CLEC12A: variants seen among roughly 807,000 people sequenced by gnomAD.
CLEC12A encodes the protein C-type lectin protein CLL-1.
CLEC12A carries 22 observed loss-of-function variants against 26.5 expected under a neutral mutation model. The ratio of observed to expected loss-of-function variants is 0.83; its 90% CI spans 0.59 to 1.19. The LOEUF is 1.19. Among genes scored for constraint, CLEC12A ranks in the 50% most tolerant of loss-of-function variants. The pLI is 0.00. For missense variants in CLEC12A, 353 were observed against 315.6 expected, an observed-to-expected ratio of 1.12 and a Z score of -0.90; for synonymous variants, 119 against 101.9, an observed-to-expected ratio of 1.17 and a Z score of -1.01.
At chr12:9,960,209 C>T (rs1262075550) in intron 1 of CLEC12A, among the ~76,000 whole-genome samples, 2 of 152,250 alleles carry the variant, frequency 1.3e-5, no homozygotes, top group East Asian at 3.9e-4. Context: ...TCTTGTGAAC[C>T]TATACATGGC....
At chr12:9,961,380 G>A (rs946446846) in intron 1 of CLEC12A, among the ~76,000 whole-genome samples, 31 of 152,048 alleles carry the variant, frequency 2.0e-4, no homozygotes, top group African/African-American at 7.2e-4. Context: ...TTCATTTTTG[G>A]TTTACACTCC....
At chr12:9,999,236 A>G (rs1247389474), downstream of CLEC12A, 7 of 548,870 alleles carry the variant, frequency 1.3e-5, no homozygotes, top group African/African-American at 9.6e-5. Flanking sequence ...GATGGGACAC[A>G]TTTGTTTTCC....
chr12:9,959,469 A>G (rs1400842086), intron 1 of CLEC12A, among the ~76,000 whole-genome samples: 5 of 147,228 alleles, frequency 3.4e-5, no homozygotes, highest in Non-Finnish European at 4.5e-5. Flanking sequence ...AAAAAAAAAG[A>G]AGAAAGAAAT....
intron 1 of CLEC12A, among the ~76,000 whole-genome samples, chr12:9,977,327 G>T (rs1003324802): frequency 6.6e-6 from 1 of 151,940 alleles, no homozygotes; most frequent in Non-Finnish European, 1.5e-5. Context: ...CTGTTATTTT[G>T]CCCTCCTAGA....
the CLEC12A span, among the ~76,000 whole-genome samples, chr12:10,004,959 C>T: frequency 1.3e-5 from 2 of 151,240 alleles, no homozygotes; most frequent in Non-Finnish European, 2.9e-5. Flanking sequence ...TAGGAACAAC[C>T]CTCTTCTACC....
At chr12:10,005,508 T>G in the CLEC12A span, among the ~76,000 whole-genome samples, 3 of 152,218 alleles carry the variant, frequency 2.0e-5, no homozygotes, top group Non-Finnish European at 4.4e-5. Flanking sequence ...TTCTATATGC[T>G]TTTATCAGTT....
At chr12:9,978,002 G>A (rs570082) in intron 1 of CLEC12A, among the ~76,000 whole-genome samples, 84,160 of 151,978 alleles carry the variant, frequency 0.55, 23,829 homozygotes, top group East Asian at 0.84. Flanking sequence ...TCTTGAACAT[G>A]TAGTTCTTTC....
At chr12:9,978,106 A>G (rs1329842086) in intron 1 of CLEC12A, among the ~76,000 whole-genome samples, 1 of 152,154 alleles carries the variant, frequency 6.6e-6, no homozygotes, top group African/African-American at 2.4e-5. Context: ...ACCATCAACT[A>G]TGAGATGTAA....
At chr12:9,993,103 A>T in intron 4 of CLEC12A, 1 of 1,577,806 alleles carries the variant, frequency 6.3e-7, no homozygotes, top group Non-Finnish European at 8.7e-7. Context: ...TTATTGTACA[A>T]TAAAGCCCTT....
chr12:9,959,631 G>C (rs547326818), intron 1 of CLEC12A, among the ~76,000 whole-genome samples: 41 of 152,194 alleles, frequency 2.7e-4, no homozygotes, highest in African/African-American at 9.2e-4. Flanking sequence ...GGGTCCCACT[G>C]ACGAACAGGA....
intron 1 of CLEC12A, among the ~76,000 whole-genome samples, chr12:9,959,921 T>C (rs1232307811): frequency 6.6e-6 from 1 of 152,204 alleles, no homozygotes; most frequent in African/African-American, 2.4e-5. Context: ...AGCTATGTCA[T>C]ACATGAAACA....
intron 1 of CLEC12A, among the ~76,000 whole-genome samples, chr12:9,961,328 T>C (rs1372281420): frequency 1.3e-5 from 2 of 152,210 alleles, no homozygotes; most frequent in Non-Finnish European, 2.9e-5. Context: ...AGAGCTGTGG[T>C]TGAAGAGGGA....
chr12:9,955,687 A>G (rs1411245516), intron 1 of CLEC12A, among the ~76,000 whole-genome samples: 1 of 152,216 alleles, frequency 6.6e-6, no homozygotes. Context: ...AGTTTTCCTA[A>G]GCAATCAAAA....
the CLEC12A span, among the ~76,000 whole-genome samples, chr12:10,002,091 C>G: frequency 2.2e-4 from 33 of 152,154 alleles, no homozygotes; most frequent in East Asian, 9.7e-4. Context: ...CCGTGTTAGT[C>G]AGGATGGTCT....
At chr12:9,993,269 A>G (rs781594653) in intron 4 of CLEC12A, 2 of 1,612,728 alleles carry the variant, frequency 1.2e-6, no homozygotes, top group Non-Finnish European at 1.7e-6. Context: ...TTCCTTTTCC[A>G]TCTTCCAAAA....
chr12:9,982,534 A>G (rs1301754899), intron 5 of CLEC12A, among the ~76,000 whole-genome samples: 1 of 152,142 alleles, frequency 6.6e-6, no homozygotes, highest in African/African-American at 2.4e-5. Flanking sequence ...TATGCTAGAG[A>G]TAAAGAGAAT....
Position 9,985,060 on chromosome 12 carries a change from G to T in CLEC12A, c.*34G>T. 7.1e-7 allele frequency: 1 copy of T among 1,407,160 alleles called. No homozygotes were observed. The highest frequency in any genetic ancestry group is 9.2e-7 in the Non-Finnish European group (1 of 1,081,610). 87.2% of individuals were successfully genotyped at this position (1,407,160 alleles called of 1,614,324 possible). ...TCAAATACATTTAAGGAGTGTAGGG[G>T]GTGGGGGTTCTAGGCTATAGGTAAA... On this transcript the variant is annotated 3_prime_UTR_variant, in exon 6 of 6. Coordinates refer to ENST00000304361, the MANE Select transcript of CLEC12A (RefSeq NM_138337.6).
At chr12:9,956,460 A>G (rs985465240) in intron 1 of CLEC12A, among the ~76,000 whole-genome samples, 1 of 152,202 alleles carries the variant, frequency 6.6e-6, no homozygotes. Context: ...TATAGATGAG[A>G]AACATGAATG....
chr12:9,978,359 A>T (rs1285912211), intron 1 of CLEC12A, among the ~76,000 whole-genome samples: 2 of 151,938 alleles, frequency 1.3e-5, no homozygotes, highest in Non-Finnish European at 2.9e-5. Context: ...AGTTTCTTGC[A>T]AAAACACATG....
Sources: allele counts gnomAD v4.1 joint callset (sites outside exome capture counted in the v4.1 genomes callset), GRCh38; gene constraint gnomAD v4.1.1; transcripts MANE v1.5; gene names NCBI Gene and HGNC (gene_info 2026-07-23, HGNC 2026-07-21).